The following CDYL2 variants were observed in gnomAD, a reference collection of about 807,000 sequenced individuals.
The protein encoded by CDYL2 is chromodomain Y like 2.
In CDYL2, 23 loss-of-function variants were observed where a neutral mutation model predicts 49.4. The observed-to-expected ratio is 0.47, with a 90% CI of 0.34 to 0.66. The LOEUF (loss-of-function observed/expected upper bound fraction) is 0.66. CDYL2 is among the 30% of genes least tolerant of loss of function. The pLI is 0.01. For synonymous variants in CDYL2, 360 were observed against 268.8 expected, an observed-to-expected ratio of 1.34 and a Z score of -3.32; for missense variants, 678 against 656.4, an observed-to-expected ratio of 1.03 and a Z score of -0.36.
chr16:80,693,121 G>A (rs1910482960), intron 1 of CDYL2, among the ~76,000 whole-genome samples: 1 of 146,622 alleles, frequency 6.8e-6, no homozygotes, highest in Non-Finnish European at 1.5e-5. Flanking sequence ...TGGGGGCTGG[G>A]TGTGGGGGTG....
At chr16:80,614,642 G>A (rs964700909) in intron 4 of CDYL2, among the ~76,000 whole-genome samples, 1 of 152,266 alleles carries the variant, frequency 6.6e-6, no homozygotes, top group East Asian at 1.9e-4. Context: ...GAGGTGGATG[G>A]ATCACAAGGT....
At chr16:80,638,155 G>A (rs1489834082) in intron 2 of CDYL2, among the ~76,000 whole-genome samples, 1 of 151,934 alleles carries the variant, frequency 6.6e-6, no homozygotes, top group East Asian at 1.9e-4. Flanking sequence ...GCTCACTGCA[G>A]CCTCAACCTC....
At chr16:80,639,692 T>C (rs781221969) in intron 2 of CDYL2, 3 of 455,878 alleles carry the variant, frequency 6.6e-6, no homozygotes, top group African/African-American at 4.0e-5. Flanking sequence ...TAACTTCATA[T>C]TGCTGAAAGA....
intron 1 of CDYL2, among the ~76,000 whole-genome samples, chr16:80,789,969 T>C (rs1009960903): frequency 2.0e-5 from 3 of 152,140 alleles, no homozygotes; most frequent in Non-Finnish European, 4.4e-5. Flanking sequence ...TACAATATGA[T>C]GGCTACACTA....
intron 1 of CDYL2, among the ~76,000 whole-genome samples, chr16:80,793,979 A>T (rs1202272946): frequency 2.6e-5 from 4 of 152,236 alleles, no homozygotes; most frequent in Non-Finnish European, 5.9e-5. Flanking sequence ...TATGAAAGTA[A>T]TTATAACTGG....
intron 1 of CDYL2, among the ~76,000 whole-genome samples, chr16:80,688,613 C>T (rs189537022): frequency 3.3e-5 from 5 of 152,292 alleles, no homozygotes; most frequent in Admixed American, 2.0e-4. Flanking sequence ...ACTGGAATAA[C>T]CACAAAAAAC....
chr16:80,629,442 A>G (rs1907453142), intron 3 of CDYL2, among the ~76,000 whole-genome samples: 1 of 152,166 alleles, frequency 6.6e-6, no homozygotes, highest in South Asian at 2.1e-4. Context: ...GCGGTGTGAA[A>G]AGGGACTCCT....
rs58330532 is a variant in CDYL2, at chr16:80,723,154, C to G, written c.25-38025G>C. Among the ~76,000 whole-genome samples, 824 of 152,268 alleles carry G rather than the reference C, an allele frequency of 5.4e-3. 9 individuals are homozygous for G. The highest frequency in any genetic ancestry group is 0.019 in the African/African-American group (773 of 41,544). ...TTCCAAGTGCACTTAGATGTGTGGT[C>G]TATAGGCCCAGGAATTCCTGGAGAG... is the stretch of plus-strand genomic sequence containing the variant. On this transcript the variant is annotated intron_variant, in intron 1 of 6. Coordinates refer to ENST00000570137, the MANE Select transcript of CDYL2 (RefSeq NM_152342.4).
intron 2 of CDYL2, among the ~76,000 whole-genome samples, chr16:80,649,564 C>T (rs2142417226): frequency 6.6e-6 from 1 of 152,204 alleles, no homozygotes; most frequent in Admixed American, 6.5e-5. Flanking sequence ...TCTACAGATT[C>T]AATGTAATCC....
At chr16:80,782,002 G>C (rs886886789) in intron 1 of CDYL2, among the ~76,000 whole-genome samples, 2 of 151,356 alleles carry the variant, frequency 1.3e-5, no homozygotes, top group Non-Finnish European at 3.0e-5. Context: ...TTAAAAAAGA[G>C]CAAATAAACC....
Position 80,598,851 on chromosome 16 carries a change from G to A in CDYL2, c.*5537C>T, listed in dbSNP as rs1233441958. 1 of 152,120 alleles carries A rather than the reference G, an allele frequency of 6.6e-6. No individual in the cohort carries two copies. Among genetic ancestry groups the A allele is most frequent in the African/African-American group, 2.4e-5 (1 of 41,414 alleles). 9.4% of individuals were successfully genotyped at this position (152,120 alleles called of 1,614,324 possible). A position where few individuals can be genotyped will look rare whatever the true frequency, so the allele number is the denominator to read the frequency against. ...TGCACCATCAAGCATGCACATATCTGTCTAGATGTGCCCACAATCTATGAA... is the reference window on the plus strand; with the variant it reads ...TGCACCATCAAGCATGCACATATCTATCTAGATGTGCCCACAATCTATGAA... On this transcript the variant is annotated 3_prime_UTR_variant, in exon 7 of 7. Transcript: ENST00000570137.
At position 80,608,164 on chromosome 16, in the gene CDYL2, C is replaced by T. The variant is rs1188065134; in HGVS notation, c.1290G>A (p.Gln430=). 6.2e-7 allele frequency: 1 copy of T among 1,605,190 alleles called. No homozygotes were observed. The highest frequency in any genetic ancestry group is 8.5e-7 in the Non-Finnish European group (1 of 1,176,078). ...GGCTGAACGTGGTGGGCCAGAAGAC[C>T]TGCGACACCAGCCCCCTGCTGCAGG... The part of the protein sequence containing the change: ...QEACSRGLVS[Q]VFWPTTFSQE... Residue 430 remains glutamine, a synonymous_variant, in exon 6 of 7, where the codon CAG becomes CAA. Transcript: ENST00000570137.
intron 1 of CDYL2, among the ~76,000 whole-genome samples, chr16:80,758,410 G>A (rs1032374474): frequency 1.3e-5 from 2 of 152,098 alleles, no homozygotes; most frequent in Non-Finnish European, 1.5e-5. Flanking sequence ...GCAAGGGGTT[G>A]GGGAGGTAAT....
chr16:80,793,612 G>A (rs1258553345), intron 1 of CDYL2, among the ~76,000 whole-genome samples: 1 of 152,166 alleles, frequency 6.6e-6, no homozygotes, highest in African/African-American at 2.4e-5. Flanking sequence ...CCACAAGCTT[G>A]GAATACAACC....
chr16:80,752,852 A>G (rs1906182894), intron 1 of CDYL2, among the ~76,000 whole-genome samples: 2 of 152,224 alleles, frequency 1.3e-5, no homozygotes, highest in Non-Finnish European at 2.9e-5. Flanking sequence ...CAACTCTCAG[A>G]AGCTAGTGCA....
intron 2 of CDYL2, among the ~76,000 whole-genome samples, chr16:80,655,312 T>C (rs1285870458): frequency 6.6e-6 from 1 of 152,200 alleles, no homozygotes; most frequent in Non-Finnish European, 1.5e-5. Context: ...TCATTCAAAA[T>C]CTAGTTACTT....
At chr16:80,748,896 A>G (rs1567594082) in intron 1 of CDYL2, among the ~76,000 whole-genome samples, 1 of 152,206 alleles carries the variant, frequency 6.6e-6, no homozygotes, top group Non-Finnish European at 1.5e-5. Flanking sequence ...ATATAAATCA[A>G]TCCATCAAAA....
At chr16:80,700,868 G>A (rs1904296819) in intron 1 of CDYL2, among the ~76,000 whole-genome samples, 1 of 152,240 alleles carries the variant, frequency 6.6e-6, no homozygotes, top group African/African-American at 2.4e-5. Flanking sequence ...TGAACAGAAA[G>A]GTTTAATTTC....
At chr16:80,623,615 T>C (rs866498156) in intron 3 of CDYL2, among the ~76,000 whole-genome samples, 2 of 152,192 alleles carry the variant, frequency 1.3e-5, no homozygotes, top group African/African-American at 2.4e-5. Flanking sequence ...GAAATTCATA[T>C]GCATGTTATT....
Sources: gnomAD v4.1 joint callset for allele counts (sites outside exome capture counted in the v4.1 genomes callset) on GRCh38, gnomAD v4.1.1 for gene constraint, MANE v1.5 for transcripts, NCBI Gene and HGNC (gene_info 2026-07-23, HGNC 2026-07-21) for gene names.